NRAP: variants seen among roughly 807,000 people sequenced by gnomAD.
NRAP encodes the protein nebulin-related-anchoring protein.
NRAP carries 189 observed loss-of-function variants against 225.9 expected under a neutral mutation model. The ratio of observed to expected loss-of-function variants is 0.84; its 90% CI spans 0.74 to 0.94. The LOEUF (loss-of-function observed/expected upper bound fraction) is 0.94. Ranked by LOEUF, NRAP falls within the 40% of genes least tolerant of loss-of-function variation. The pLI is 0.00. For synonymous variants in NRAP, 769 were observed against 790.7 expected, an observed-to-expected ratio of 0.97 and a Z score of 0.46; for missense variants, 2,176 against 2,168.7, an observed-to-expected ratio of 1.00 and a Z score of -0.07.
chr10:113,588,846 A>AT lies in NRAP; in HGVS notation c.*128dup. ...TTCTCCATCTGCTTTCAGAGTTATT[A>AT]TTTTAATAAAGGAAGATCTGGGATG... On this transcript the variant is annotated 3_prime_UTR_variant, in exon 42 of 42. Transcript: ENST00000359988. 1 of 709,992 alleles carries AT rather than the reference A, an allele frequency of 1.4e-6. No individual in the cohort carries two copies. The highest frequency in any genetic ancestry group is 2.5e-6 in the Non-Finnish European group (1 of 398,818). The allele number at this position is 709,992 out of a possible 1,614,324, so 44.0% of individuals were successfully genotyped here. A position where few individuals can be genotyped will look rare whatever the true frequency, so the allele number is the denominator to read the frequency against.
intron 6 of NRAP, 41 bp from the exon 7 acceptor site, chr10:113,651,948 C>G (rs762957300): frequency 5.6e-6 from 7 of 1,245,524 alleles, no homozygotes; most frequent in Non-Finnish European, 8.3e-6. Flanking sequence ...ACCCACCTCA[C>G]AGCCTCCTCA....
intron 9 of NRAP, among the ~76,000 whole-genome samples, chr10:113,647,569 G>GCCTCCCCCGGTGGTACTT (rs1849613404): frequency 2.1e-5 from 1 of 47,304 alleles, no homozygotes; most frequent in African/African-American, 4.7e-5. Context: ...CAGTGGTACT[G>GCCTCCCCCGGTGGTACTT]CCTCCCCTGG....
At chr10:113,597,432 A>G (rs1846346870) in intron 36 of NRAP, among the ~76,000 whole-genome samples, 1 of 152,162 alleles carries the variant, frequency 6.6e-6, no homozygotes, top group South Asian at 2.1e-4. Context: ...GCTCCCCACA[A>G]TAAAGGAATT....
chr10:113,620,559 C>A (rs367942998), intron 25 of NRAP, 45 bp downstream of exon 25: 1 of 1,198,494 alleles, frequency 8.3e-7, no homozygotes. Flanking sequence ...AGACGCCGCA[C>A]GCCTAATGCA....
chr10:113,629,021 G>T lies in NRAP; in HGVS notation c.2041C>A (p.Leu681Met). Reference protein sequence around the residue: ...AKKAYGLQSELQYKADLAWMK... With the variant: ...AKKAYGLQSEMQYKADLAWMK... ...CATGCCAGGTCAGCCTTGTACTGCA[G>T]CTACAAAAGAAAAACCACAAAGCTC... Residue 681 changes from leucine (L) to methionine (M), a missense_variant and splice_region_variant, in exon 20 of 42, where the codon CTG becomes ATG. Physicochemically the swap from Leu to Met is conservative, Grantham distance 15. This residue lies in a region of NRAP where 1,708 missense variants were observed against 1,695.5 expected (regional missense o/e 1.01). Transcript: ENST00000359988. 1 of 1,610,372 alleles carries T rather than the reference G, an allele frequency of 6.2e-7. No individual in the cohort carries two copies. The highest frequency in any genetic ancestry group is 1.1e-5 in the South Asian group (1 of 90,980).
At chr10:113,660,983 T>C (rs916434376) in intron 3 of NRAP, among the ~76,000 whole-genome samples, 8 of 152,078 alleles carry the variant, frequency 5.3e-5, no homozygotes, top group African/African-American at 1.7e-4. Context: ...CAAGAACACA[T>C]GAGATAATAT....
At chr10:113,643,625 G>A (rs977738047) in intron 11 of NRAP, among the ~76,000 whole-genome samples, 5 of 152,288 alleles carry the variant, frequency 3.3e-5, no homozygotes, top group East Asian at 3.9e-4. Flanking sequence ...GAGCTCTCCC[G>A]GGTGCCTGGA....
intron 40 of NRAP, 30 bp downstream of exon 40, chr10:113,590,548 G>A (rs1371712720): frequency 6.3e-7 from 1 of 1,594,666 alleles, no homozygotes; most frequent in Non-Finnish European, 8.5e-7. Flanking sequence ...CAGGGGAAGG[G>A]CCTCAAGGGA....
chr10:113,614,993 G>T, intron 27 of NRAP, 47 bp from the exon 28 acceptor site: 1 of 1,161,732 alleles, frequency 8.6e-7, no homozygotes. Flanking sequence ...TGACCTGGTG[G>T]TTTCCTAAAC....
At chr10:113,615,609 T>C (rs1425943517) in intron 27 of NRAP, 103 bp downstream of exon 27, 1 of 733,604 alleles carries the variant, frequency 1.4e-6, no homozygotes, top group Non-Finnish European at 2.5e-6. Context: ...TGGCAGAACA[T>C]GAAACCAGCT....
chr10:113,661,558 G>C (rs920087773), intron 3 of NRAP, among the ~76,000 whole-genome samples: 2 of 152,154 alleles, frequency 1.3e-5, no homozygotes, highest in African/African-American at 4.8e-5. Flanking sequence ...ATTTTAGAAA[G>C]CCACTAAAAC....
intron 3 of NRAP, among the ~76,000 whole-genome samples, chr10:113,658,793 A>T (rs1393857385): frequency 6.6e-6 from 1 of 151,548 alleles, no homozygotes; most frequent in Non-Finnish European, 1.5e-5. Flanking sequence ...GAGATATGAG[A>T]ATCACTTGAA....
At chr10:113,658,107 T>A (rs1192664415) in intron 3 of NRAP, among the ~76,000 whole-genome samples, 1 of 152,222 alleles carries the variant, frequency 6.6e-6, no homozygotes, top group Non-Finnish European at 1.5e-5. Flanking sequence ...TATGAAAAGA[T>A]CATTCTTGCT....
intron 32 of NRAP, among the ~76,000 whole-genome samples, chr10:113,606,691 A>G (rs534101279): frequency 6.6e-6 from 1 of 152,220 alleles, no homozygotes; most frequent in African/African-American, 2.4e-5. Flanking sequence ...CTAAAGCCCC[A>G]GGATCCTTTC....
At position 113,589,792 on chromosome 10, in the gene NRAP, C is replaced by T. The variant is rs1845841760; in HGVS notation, c.4962G>A (p.Lys1654=). 1.9e-6 allele frequency: 3 copies of T among 1,613,744 alleles called. No homozygotes were observed. The highest frequency in any genetic ancestry group is 2.5e-6 in the Non-Finnish European group (3 of 1,179,948). Residue 1654 remains lysine (K), a synonymous_variant, in exon 41 of 42, where the codon AAG becomes AAA. Transcript: ENST00000359988. ...QKAHQLQSDV[K]YKSDLNLTRG... ...TGGTCAGGTTCAAGTCTGATTTATACTTGACCTTGAGGGTAAGAGGGAAGC... is the reference window on the plus strand; with the variant it reads ...TGGTCAGGTTCAAGTCTGATTTATATTTGACCTTGAGGGTAAGAGGGAAGC...
chr10:113,635,319 A>C (rs959036466), intron 14 of NRAP, among the ~76,000 whole-genome samples: 4 of 152,172 alleles, frequency 2.6e-5, no homozygotes, highest in African/African-American at 9.7e-5. Flanking sequence ...TGAGGCACTA[A>C]GGTGAGCTGA....
chr10:113,614,326 C>T (rs1564716593), intron 28 of NRAP, 30 bp from the exon 29 acceptor site: 8 of 1,432,182 alleles, frequency 5.6e-6, no homozygotes, highest in South Asian at 3.4e-5. Context: ...GAGAGAGGAA[C>T]AGCTCAGGGA....
In NRAP at chr10:113,610,476, A is replaced by T; in HGVS notation, c.3586T>A (p.Ser1196Thr). 1.3e-6 allele frequency: 2 copies of T among 1,571,420 alleles called. No individual in the cohort carries two copies. Among genetic ancestry groups the T allele is most frequent in the Non-Finnish European group, 1.8e-6 (2 of 1,140,682 alleles). ...GTAGTTACCTCACTGATGAGTTCCG[A>T]TGCTTTCTTCCTCCCTTCAATCTCT... is the stretch of plus-strand genomic sequence containing the variant. ...TLEIEGRKKASELISESKYRQ... is the reference protein window; with the variant it reads ...TLEIEGRKKATELISESKYRQ... Residue 1196 changes from serine to threonine, a missense_variant, in exon 31 of 42, where the codon TCG becomes ACG. Ser to Thr is a moderately conservative substitution (Grantham distance 58, BLOSUM62 1). Coordinates refer to ENST00000359988, the MANE Select transcript of NRAP (RefSeq NM_198060.4).
intron 22 of NRAP, among the ~76,000 whole-genome samples, chr10:113,624,003 G>C (rs1461336415): frequency 6.6e-6 from 1 of 152,136 alleles, no homozygotes; most frequent in African/African-American, 2.4e-5. Flanking sequence ...GCCAGCAGCG[G>C]CTCCAGCTGC....
Sources: allele counts gnomAD v4.1 joint callset (sites outside exome capture counted in the v4.1 genomes callset), GRCh38; gene constraint gnomAD v4.1.1; regional missense constraint gnomAD v4.1.1; transcripts MANE v1.5; gene names NCBI Gene and HGNC (gene_info 2026-07-23, HGNC 2026-07-21).